The following ATPAF1 variants were observed in gnomAD, a reference collection of about 807,000 sequenced individuals.
ATPAF1 encodes homolog of yeast ATP11.
In ATPAF1, 26 loss-of-function variants were observed where a neutral mutation model predicts 43.9. That is an observed-to-expected ratio of 0.59 (90% CI 0.43 to 0.82). The LOEUF is 0.82. Among genes scored for constraint, ATPAF1 ranks in the 40% least tolerant of loss-of-function variants. ATPAF1 has a pLI of 0.00. For synonymous variants in ATPAF1, 157 were observed against 168.0 expected (o/e 0.93, Z 0.50); for missense variants, 366 against 435.0 (o/e 0.84, Z 1.41).
In ATPAF1 at chr1:46,668,209, G is replaced by T. The variant is rs540341925; in HGVS notation, c.114C>A (p.Leu38=). The stretch of plus-strand genomic sequence containing the variant: ...AGACGCGCAGCTGCGCGGGTGACAC[G>T]AGCCCCAGGCCCAGGGCGCGGCTGC... Residue 38 remains leucine, a synonymous_variant, in exon 1 of 9, where the codon CTC becomes CTA. Coordinates refer to ENST00000574428, the Ensembl canonical transcript of ATPAF1. This position sits in a 1 kb window ranked among gnomAD's most constrained non-coding sequence, Gnocchi z 4.4. 3.5e-5 allele frequency: 49 copies of T among 1,384,468 alleles called. No individual in the cohort carries two copies. The South Asian group carries it at 7.1e-4, about 20-fold the overall frequency. The allele number at this position is 1,384,468 out of a possible 1,614,324, so 85.8% of individuals were successfully genotyped here.
chr1:46,638,718 T>C (rs550365675), intron 8 of ATPAF1, among the ~76,000 whole-genome samples: 1 of 152,178 alleles, frequency 6.6e-6, no homozygotes, highest in East Asian at 1.9e-4. Flanking sequence ...TGGAGGGTTA[T>C]AGAAAGGCAA....
chr1:46,657,515 T>C (rs899676042), intron 4 of ATPAF1, among the ~76,000 whole-genome samples: 3 of 152,152 alleles, frequency 2.0e-5, no homozygotes, highest in African/African-American at 7.2e-5. Context: ...TTAAAAAACA[T>C]AAATATAGCA....
chr1:46,660,740 T>C (rs1676372209), intron 2 of ATPAF1, among the ~76,000 whole-genome samples: 1 of 152,148 alleles, frequency 6.6e-6, no homozygotes, highest in South Asian at 2.1e-4. Context: ...CTACTATGGA[T>C]GCTTTGGAAA....
intron 4 of ATPAF1, among the ~76,000 whole-genome samples, chr1:46,656,843 A>G (rs1385261187): frequency 1.3e-5 from 2 of 152,224 alleles, no homozygotes; most frequent in Non-Finnish European, 2.9e-5. Flanking sequence ...TAATAGAAAG[A>G]ACCCTGTGCT....
At chr1:46,658,231 A>AAC (rs1204932315) in intron 3 of ATPAF1, 42 bp from the exon 4 acceptor site, 6 of 1,447,042 alleles carry the variant, frequency 4.1e-6, no homozygotes, top group Non-Finnish European at 5.7e-6. Context: ...ATAATTAAAA[A>AAC]AAAAAAAAAA....
At chr1:46,668,482 GAGGA>G (rs1013992857), upstream of ATPAF1, 94 of 949,654 alleles carry the variant, frequency 9.9e-5, no homozygotes, top group African/African-American at 8.2e-4. This position sits in a 1 kb window ranked among gnomAD's most constrained non-coding sequence, Gnocchi z 4.4. Context: ...GCGGGGCGGG[GAGGA>G]GGGGGCGCGC....
At chr1:46,658,177 T>C (rs1676310376) in exon 4 of ATPAF1, 3 of 1,608,510 alleles carry the variant, frequency 1.9e-6, no homozygotes, top group Non-Finnish European at 1.7e-6. Flanking sequence ...ATGTTAAAGA[T>C]TGAACTGAGA....
Position 46,658,183 on chromosome 1 carries a change from TGA to T in ATPAF1, c.431_432del (p.Leu144GlnfsTer5). On this transcript the variant is annotated frameshift_variant, in exon 4 of 9. Transcript: ENST00000574428. LOFTEE classifies it high-confidence loss of function. ...ACCATCTCAATGTTAAAGATTGAACTGAGAGTCTTGAAAGAGACAATAAAAAG... is the reference window on the plus strand; with the variant it reads ...ACCATCTCAATGTTAAAGATTGAACTGAGTCTTGAAAGAGACAATAAAAAG... The T allele has an allele frequency of 3.1e-6, 5 of 1,604,368 alleles. No homozygotes were observed. In the South Asian group the frequency reaches 5.6e-5, roughly 18 times the overall value.
intron 8 of ATPAF1, among the ~76,000 whole-genome samples, chr1:46,638,483 G>A (rs937865316): frequency 1.3e-5 from 2 of 152,170 alleles, no homozygotes; most frequent in Middle Eastern, 3.4e-3. Flanking sequence ...TTAGCTGGGC[G>A]TGGTGGTGGG....
At chr1:46,665,792 C>A in intron 1 of ATPAF1, 2 of 1,474,520 alleles carry the variant, frequency 1.4e-6, no homozygotes, top group Non-Finnish European at 1.8e-6. Flanking sequence ...TAAACATCTG[C>A]TTTATTCAGA....
At chr1:46,658,656 C>CT in intron 3 of ATPAF1, 31 bp downstream of exon 3, 2 of 1,555,956 alleles carry the variant, frequency 1.3e-6, no homozygotes, top group African/African-American at 1.4e-5. Context: ...TGACTTCAAG[C>CT]TTTTTTTCCT....
intron 4 of ATPAF1, among the ~76,000 whole-genome samples, chr1:46,655,405 G>T (rs1676252624): frequency 6.6e-6 from 1 of 152,028 alleles, no homozygotes; most frequent in Non-Finnish European, 1.5e-5. Context: ...GAACAAGGAA[G>T]CTACAGTTGA....
chr1:46,668,343 C>T lies in ATPAF1; in HGVS notation c.-21G>A. On this transcript the variant is annotated 5_prime_UTR_variant, in exon 1 of 9. Coordinates refer to ENST00000574428, the Ensembl canonical transcript of ATPAF1. This position sits in a 1 kb window ranked among gnomAD's most constrained non-coding sequence, Gnocchi z 4.4. ...GCCATGGCCGCCCCCGCCTCCTCCTCCTCCTCAGGCGCGTCGGCCTCGGCC... is the reference window on the plus strand; with the variant it reads ...GCCATGGCCGCCCCCGCCTCCTCCTTCTCCTCAGGCGCGTCGGCCTCGGCC... 1 of 1,346,352 alleles carries T rather than the reference C, an allele frequency of 7.4e-7. No individual in the cohort carries two copies. The highest frequency in any genetic ancestry group is 9.6e-7 in the Non-Finnish European group (1 of 1,044,776). 83.4% of individuals were successfully genotyped at this position (1,346,352 alleles called of 1,614,324 possible). A position where few individuals can be genotyped will look rare whatever the true frequency, so the allele number is the denominator to read the frequency against.
At chr1:46,658,275 A>G in intron 3 of ATPAF1, 86 bp from the exon 4 acceptor site, 1 of 1,050,506 alleles carries the variant, frequency 9.5e-7, no homozygotes, top group Middle Eastern at 3.1e-4. Flanking sequence ...TGTGGCAAAC[A>G]TGTCAGGACA....
intron 4 of ATPAF1, among the ~76,000 whole-genome samples, chr1:46,657,273 G>C (rs1013372895): frequency 5.9e-5 from 9 of 152,006 alleles, no homozygotes; most frequent in African/African-American, 2.2e-4. Flanking sequence ...ATAATTCATG[G>C]AACTATAAAG....
chr1:46,662,790 T>C (rs1306530120), intron 2 of ATPAF1, among the ~76,000 whole-genome samples: 1 of 152,216 alleles, frequency 6.6e-6, no homozygotes, highest in Non-Finnish European at 1.5e-5. Context: ...TTTTTTTCTA[T>C]TTTTATTATA....
intron 8 of ATPAF1, among the ~76,000 whole-genome samples, chr1:46,642,700 A>C (rs905669204): frequency 3.9e-5 from 6 of 152,238 alleles, no homozygotes; most frequent in African/African-American, 1.4e-4. Context: ...CTTGTCTACA[A>C]TCTCTTATCT....
rs116385102 is a variant in ATPAF1, at chr1:46,667,803, G to A, written c.266+254C>T. ...GCTGCCTGCCTCAGGGCTGTCATAA[G>A]AGTCCACCTTAGCGTTTGGAGAACC... is the stretch of plus-strand genomic sequence containing the variant. On this transcript the variant is annotated intron_variant, in intron 1 of 8. Coordinates refer to ENST00000574428, the Ensembl canonical transcript of ATPAF1. 4.2e-3 allele frequency among the ~76,000 whole-genome samples: 644 copies of A among 152,286 alleles called. 1 individual carries two copies. Among genetic ancestry groups the A allele is most frequent in the African/African-American group, 0.014 (591 of 41,564 alleles).
At chr1:46,637,771 A>G (rs1414409842) in intron 8 of ATPAF1, among the ~76,000 whole-genome samples, 1 of 152,148 alleles carries the variant, frequency 6.6e-6, no homozygotes, top group Non-Finnish European at 1.5e-5. Flanking sequence ...ACTTCAAATT[A>G]ATAGAATTTT....
Sources: gnomAD v4.1 joint callset for allele counts (sites outside exome capture counted in the v4.1 genomes callset) on GRCh38, gnomAD v4.1.1 for gene constraint, Gnocchi (gnomAD v3.1) non-coding constraint, MANE v1.5 for transcripts, NCBI Gene and HGNC (gene_info 2026-07-23, HGNC 2026-07-21) for gene names.